The following DAB1 variants were observed in gnomAD, a reference collection of about 807,000 sequenced individuals.
DAB1 encodes the protein disabled homolog 1.
DAB1 carries 15 observed loss-of-function variants against 64.6 expected under a neutral mutation model. That is an observed-to-expected ratio of 0.23 (90% confidence interval 0.16 to 0.36). The LOEUF (loss-of-function observed/expected upper bound fraction) is 0.36. Among genes scored for constraint, DAB1 ranks in the 10% least tolerant of loss-of-function variants. The pLI is 1.00. For synonymous variants in DAB1, 235 were observed against 251.9 expected (o/e 0.93, Z 0.64); for missense variants, 596 against 706.7 (o/e 0.84, Z 1.78).
chr1:57,214,477 A>T (rs1004596364), intron 2 of DAB1, among the ~76,000 whole-genome samples: 3 of 152,176 alleles, frequency 2.0e-5, no homozygotes, highest in Non-Finnish European at 2.9e-5. Flanking sequence ...TTCATTTCTC[A>T]AGTTTTTTTA....
intron 4 of DAB1, among the ~76,000 whole-genome samples, chr1:58,296,385 C>T (rs536304771): frequency 2.2e-4 from 33 of 152,164 alleles, no homozygotes; most frequent in African/African-American, 5.3e-4. Flanking sequence ...TAATATGATC[C>T]GCTGGCAAAG....
At chr1:58,362,818 A>G (rs1039375128) in intron 3 of DAB1, among the ~76,000 whole-genome samples, 4 of 152,204 alleles carry the variant, frequency 2.6e-5, no homozygotes, top group African/African-American at 9.7e-5. Context: ...AGTTTGCCCA[A>G]ATCACTCTGT....
At chr1:57,019,838 T>C (rs769023142) in intron 11 of DAB1, among the ~76,000 whole-genome samples, 7 of 152,182 alleles carry the variant, frequency 4.6e-5, no homozygotes, top group Non-Finnish European at 1.0e-4. Context: ...GCCTTACAGT[T>C]AGGTTTTTAA....
At chr1:57,001,489 G>A (rs1359805237) in intron 14 of DAB1, among the ~76,000 whole-genome samples, 2 of 152,224 alleles carry the variant, frequency 1.3e-5, no homozygotes, top group African/African-American at 2.4e-5. Flanking sequence ...TTCAGGTCAC[G>A]TAAATGATGT....
chr1:57,609,415 T>C (rs894010893), intron 7 of DAB1, among the ~76,000 whole-genome samples: 3 of 152,258 alleles, frequency 2.0e-5, no homozygotes, highest in Non-Finnish European at 4.4e-5. Context: ...GTGTATGTTA[T>C]ATGCAAATAT....
intron 5 of DAB1, among the ~76,000 whole-genome samples, chr1:58,040,168 C>T (rs921581479): frequency 1.3e-5 from 2 of 152,164 alleles, no homozygotes; most frequent in African/African-American, 4.8e-5. Flanking sequence ...GTCCATATTA[C>T]CAGTGGTCAC....
intron 7 of DAB1, among the ~76,000 whole-genome samples, chr1:57,578,635 T>C (rs1265682786): frequency 6.6e-6 from 1 of 152,250 alleles, no homozygotes; most frequent in Non-Finnish European, 1.5e-5. Context: ...GCTCAGTATA[T>C]GCCACATACG....
intron 7 of DAB1, among the ~76,000 whole-genome samples, chr1:57,509,933 C>T (rs942458812): frequency 4.6e-5 from 7 of 152,156 alleles, no homozygotes; most frequent in Non-Finnish European, 1.0e-4. Flanking sequence ...ACTTTTCGGG[C>T]AAATTTCTCT....
chr1:57,299,573 C>T (rs2100693754), intron 1 of DAB1, among the ~76,000 whole-genome samples: 1 of 150,864 alleles, frequency 6.6e-6, no homozygotes, highest in East Asian at 1.9e-4. Flanking sequence ...TCTATAGCAC[C>T]ATGAAAATTC....
At chr1:57,997,731 G>T (rs189608993) in intron 5 of DAB1, among the ~76,000 whole-genome samples, 28 of 152,206 alleles carry the variant, frequency 1.8e-4, no homozygotes, top group Admixed American at 3.9e-4. Flanking sequence ...TGCAGTAGAA[G>T]AATCTGAGAC....
At chr1:58,488,558 T>A (rs1005974157) in intron 3 of DAB1, among the ~76,000 whole-genome samples, 1 of 152,180 alleles carries the variant, frequency 6.6e-6, no homozygotes, top group African/African-American at 2.4e-5. Context: ...TTCAAGCAAT[T>A]CTCCTGTGTC....
At chr1:57,763,855 T>C (rs1278244785) in intron 6 of DAB1, among the ~76,000 whole-genome samples, 1 of 152,148 alleles carries the variant, frequency 6.6e-6, no homozygotes, top group African/African-American at 2.4e-5. Context: ...TGTAACTTCT[T>C]TGTTGTTTCC....
intron 1 of DAB1, among the ~76,000 whole-genome samples, chr1:57,354,643 T>C (rs1678912313): frequency 6.6e-6 from 1 of 152,078 alleles, no homozygotes; most frequent in African/African-American, 2.4e-5. Context: ...CTTTCTTCTT[T>C]CATTCATGAT....
chr1:57,609,134 T>G (rs1238848043), intron 7 of DAB1, among the ~76,000 whole-genome samples: 1 of 152,192 alleles, frequency 6.6e-6, no homozygotes, highest in Non-Finnish European at 1.5e-5. Context: ...TTTGCATTTG[T>G]AATCCCTGGA....
intron 1 of DAB1, among the ~76,000 whole-genome samples, chr1:57,350,000 T>C (rs1678448880): frequency 6.6e-6 from 1 of 152,164 alleles, no homozygotes; most frequent in African/African-American, 2.4e-5. Flanking sequence ...AGCATTGCAA[T>C]TGGCACAGAT....
chr1:57,548,709 G>T (rs1210227408), intron 7 of DAB1, among the ~76,000 whole-genome samples: 2 of 152,140 alleles, frequency 1.3e-5, no homozygotes, highest in African/African-American at 4.8e-5. Context: ...GCTGGAGCCT[G>T]GCATACTTTT....
At chr1:58,174,460 C>T (rs952968367) in intron 4 of DAB1, among the ~76,000 whole-genome samples, 1 of 152,164 alleles carries the variant, frequency 6.6e-6, no homozygotes, top group African/African-American at 2.4e-5. Flanking sequence ...GACCTGCTGG[C>T]CCTCTGACTG....
Position 57,246,471 on chromosome 1 carries a change from T to C in DAB1, c.67+44493A>G, listed in dbSNP as rs4561066. 3.7e-3 allele frequency among the ~76,000 whole-genome samples: 563 copies of C among 152,232 alleles called. 1 individual carries two copies. The highest frequency in any genetic ancestry group is 5.0e-3 in the Non-Finnish European group (340 of 68,004). Reference sequence around the variant, plus strand: ...GAGCCTCCACATAGATTTCAGAGGATGTATAGAAATGCCTGGATGTCCAGG... The same window carrying C: ...GAGCCTCCACATAGATTTCAGAGGACGTATAGAAATGCCTGGATGTCCAGG... On this transcript the variant is annotated intron_variant, in intron 2 of 14. Transcript: ENST00000371236.
intron 3 of DAB1, among the ~76,000 whole-genome samples, chr1:58,349,611 C>T (rs757404729): frequency 1.1e-4 from 17 of 152,134 alleles, no homozygotes; most frequent in East Asian, 9.7e-4. Context: ...CTCCCCTAGA[C>T]GCCCACCCCT....
Sources: gnomAD v4.1 joint callset for allele counts (sites outside exome capture counted in the v4.1 genomes callset) on GRCh38, gnomAD v4.1.1 for gene constraint, MANE v1.5 for transcripts, NCBI Gene and HGNC (gene_info 2026-07-23, HGNC 2026-07-21) for gene names.